KIAA0232: variants seen among roughly 807,000 people sequenced by gnomAD.
KIAA0232 encodes uncharacterized protein KIAA0232.
KIAA0232 carries 27 observed loss-of-function variants against 122.0 expected under a neutral mutation model. That is an observed-to-expected ratio of 0.22 (90% CI 0.16 to 0.31). KIAA0232 has a LOEUF of 0.31. KIAA0232 is among the 10% of genes least tolerant of loss of function. The probability of loss-of-function intolerance (pLI) is 1.00; values close to 1 mark genes in which losing one functional copy is unlikely to be tolerated. For missense variants in KIAA0232, 1,551 were observed against 1,634.2 expected, an observed-to-expected ratio of 0.95 and a Z score of 0.88; for synonymous variants, 613 against 587.6, an observed-to-expected ratio of 1.04 and a Z score of -0.63.
At position 6,862,333 on chromosome 4, in the gene KIAA0232, T is replaced by C; in HGVS notation, c.1951T>C (p.Phe651Leu). 1 of 1,614,190 alleles carries C rather than the reference T, an allele frequency of 6.2e-7. No homozygotes were observed. ...GSGINSCFSV[F>L]EVQCSNSVLP... Reference sequence around the variant, plus strand: ...TGGTATAAACTCTTGTTTTTCAGTGTTTGAAGTGCAATGCAGTAATTCTGT... The same window carrying C: ...TGGTATAAACTCTTGTTTTTCAGTGCTTGAAGTGCAATGCAGTAATTCTGT... Residue 651 changes from phenylalanine (F) to leucine (L), a missense_variant, in exon 7 of 10, where the codon TTT becomes CTT. Physicochemically the swap from Phe to Leu is conservative, Grantham distance 22. Around this residue, in one of 5 missense-constraint regions of KIAA0232, gnomAD observed 1,108 missense variants for 1,154.8 expected, o/e 0.96. Transcript: ENST00000307659.
rs34820864 is a variant in KIAA0232, at chr4:6,862,435, C to A, written c.2053C>A (p.Gln685Lys). The change falls in exon 7 of 10, where the codon CAG (glutamine) becomes AAG (lysine). Residue 685 changes from glutamine to lysine, a missense_variant. By Grantham distance (53) the Gln-to-Lys change is moderately conservative. Transcript: ENST00000307659. ...DSSANMLGKT[Q>K]SRLLIWTKNS... The stretch of plus-strand genomic sequence containing the variant: ...TAGTGCTAATATGCTTGGGAAAACA[C>A]AGTCTAGATTGCTAATATGGACCAA... 1,332 of 1,614,128 alleles carry A rather than the reference C, an allele frequency of 8.3e-4. 1 individual carries two copies. Among genetic ancestry groups the A allele is most frequent in the Non-Finnish European group, 1.1e-3 (1,273 of 1,179,994 alleles).
At chr4:6,870,763 C>T (rs1223865341) in intron 7 of KIAA0232, among the ~76,000 whole-genome samples, 2 of 150,742 alleles carry the variant, frequency 1.3e-5, no homozygotes, top group Admixed American at 6.6e-5. Flanking sequence ...GATCGTGCCA[C>T]TGCACTCCAG....
intron 2 of KIAA0232, among the ~76,000 whole-genome samples, chr4:6,805,998 T>G (rs1017800752): frequency 2.6e-5 from 4 of 152,212 alleles, no homozygotes; most frequent in African/African-American, 9.6e-5. Context: ...AGTTGCTATT[T>G]TGTTATCTTT....
intron 2 of KIAA0232, among the ~76,000 whole-genome samples, chr4:6,816,106 G>A (rs1243240602): frequency 1.3e-5 from 2 of 152,038 alleles, no homozygotes; most frequent in African/African-American, 2.4e-5. Flanking sequence ...ACAGTGAAAC[G>A]AATATTTTAG....
intron 2 of KIAA0232, among the ~76,000 whole-genome samples, chr4:6,808,868 G>T (rs571228690): frequency 6.6e-6 from 1 of 152,210 alleles, no homozygotes; most frequent in African/African-American, 2.4e-5. Flanking sequence ...CAAGGCCTAA[G>T]CATTCTACTA....
chr4:6,843,962 C>T (rs1412472659), intron 4 of KIAA0232, among the ~76,000 whole-genome samples: 7 of 55,230 alleles, frequency 1.3e-4, no homozygotes, highest in Non-Finnish European at 2.3e-4. Context: ...TTTTTTTTGG[C>T]GGAGTCTTGC....
intron 6 of KIAA0232, among the ~76,000 whole-genome samples, chr4:6,859,126 A>G (rs1720723513): frequency 1.3e-5 from 2 of 150,552 alleles, no homozygotes; most frequent in African/African-American, 4.9e-5. Context: ...AAAAAAAACA[A>G]GAAAGAAAAG....
In KIAA0232 at chr4:6,848,803, A is replaced by G. The variant is rs149330919; in HGVS notation, c.369+6599A>G. 7.2e-5 allele frequency among the ~76,000 whole-genome samples: 11 copies of G among 152,340 alleles called. 1 individual carries two copies. In the East Asian group the frequency reaches 2.1e-3, roughly 29 times the overall value. ...GTGCCTGTCTGAATACATTATGTAC[A>G]TTGCAGGAAGTGATGCTGTGCTCTC... On this transcript the variant is annotated intron_variant, in intron 4 of 9. Coordinates refer to ENST00000307659, the MANE Select transcript of KIAA0232 (RefSeq NM_014743.3).
At chr4:6,790,124 A>G (rs551766178) in intron 1 of KIAA0232, among the ~76,000 whole-genome samples, 111 of 152,290 alleles carry the variant, frequency 7.3e-4, no homozygotes, top group Admixed American at 2.9e-3. Flanking sequence ...TTAATCTTAC[A>G]TCTTGTTAAT....
At chr4:6,858,245 G>A (rs960797564) in intron 5 of KIAA0232, among the ~76,000 whole-genome samples, 180 bp from the exon 6 acceptor site, 6 of 152,092 alleles carry the variant, frequency 3.9e-5, no homozygotes, top group Non-Finnish European at 7.3e-5. Flanking sequence ...TGGTTTAATC[G>A]GAGAATTCCC....
chr4:6,812,641 G>A (rs1174810570), intron 2 of KIAA0232, among the ~76,000 whole-genome samples: 1 of 152,080 alleles, frequency 6.6e-6, no homozygotes, highest in Non-Finnish European at 1.5e-5. Context: ...TGCTAATAAA[G>A]ATATATATGA....
intron 4 of KIAA0232, among the ~76,000 whole-genome samples, chr4:6,842,435 T>C (rs1166433891): frequency 6.6e-6 from 1 of 152,190 alleles, no homozygotes; most frequent in African/African-American, 2.4e-5. Flanking sequence ...CACAAAATTT[T>C]ATATCCTTTT....
chr4:6,823,003 C>T (rs1483954925), intron 2 of KIAA0232, among the ~76,000 whole-genome samples: 1 of 148,194 alleles, frequency 6.7e-6, no homozygotes, highest in Non-Finnish European at 1.5e-5. Context: ...TGTTCAATTC[C>T]CACCTATGAG....
intron 3 of KIAA0232, among the ~76,000 whole-genome samples, chr4:6,838,955 C>T (rs1719496447): frequency 6.6e-6 from 1 of 152,068 alleles, no homozygotes; most frequent in African/African-American, 2.4e-5. Context: ...ATGGCAAAAC[C>T]CCATCTCCAC....
At position 6,882,650 on chromosome 4, in the gene KIAA0232, G is replaced by T. The variant is rs1032926893; in HGVS notation, c.*1684G>T. 2.0e-5 allele frequency: 3 copies of T among 152,060 alleles called. No homozygotes were observed. Among genetic ancestry groups the T allele is most frequent in the African/African-American group, 7.3e-5 (3 of 41,368 alleles). The allele number at this position is 152,060 out of a possible 1,614,324, so 9.4% of individuals were successfully genotyped here. On this transcript the variant is annotated 3_prime_UTR_variant, in exon 10 of 10. Transcript: ENST00000307659. ...GGTGTGTGTGTGTGTGTGTGTGTGC[G>T]CGCGTGCGCGCGCGCATGTGTAAGG...
intron 1 of KIAA0232, among the ~76,000 whole-genome samples, chr4:6,795,314 C>G (rs562473966): frequency 2.0e-5 from 3 of 152,116 alleles, no homozygotes; most frequent in Non-Finnish European, 4.4e-5. Flanking sequence ...CCTTGTGATC[C>G]GCCTGCTTCA....
At chr4:6,798,396 T>C (rs907549249) in intron 1 of KIAA0232, among the ~76,000 whole-genome samples, 4 of 152,172 alleles carry the variant, frequency 2.6e-5, no homozygotes, top group African/African-American at 7.2e-5. Context: ...GTATTGGCCA[T>C]CCCCTGCTCC....
chr4:6,873,428 G>A (rs1721599610), intron 8 of KIAA0232, among the ~76,000 whole-genome samples: 1 of 152,214 alleles, frequency 6.6e-6, no homozygotes, highest in South Asian at 2.1e-4. Context: ...CACAGTTAAT[G>A]GAATGAAGGT....
Position 6,820,680 on chromosome 4 carries a change from GTTTAA to G in KIAA0232, c.-269-3504_-269-3500del, listed in dbSNP as rs1718382103. On this transcript the variant is annotated intron_variant, in intron 2 of 9. Transcript: ENST00000307659. ...CTCTACAATGTTTTGTATTATTTTT[GTTTAA>G]GCAATTGTCTTTTAAAGATATTTAA... Among the ~76,000 whole-genome samples, 19 of 152,020 alleles carry G rather than the reference GTTTAA, an allele frequency of 1.2e-4. 1 individual carries two copies. The South Asian group carries it at 3.8e-3, about 31-fold the overall frequency.
Sources: gnomAD v4.1 joint callset for allele counts (sites outside exome capture counted in the v4.1 genomes callset) on GRCh38, gnomAD v4.1.1 for gene constraint, gnomAD v4.1.1 regional missense constraint, MANE v1.5 for transcripts, NCBI Gene and HGNC (gene_info 2026-07-23, HGNC 2026-07-21) for gene names.